WDR20: variants seen among roughly 807,000 people sequenced by gnomAD.
WDR20 encodes WD repeat-containing protein 20.
A neutral mutation model predicts 38.7 loss-of-function variants in WDR20; 3 were observed. The ratio of observed to expected loss-of-function variants is 0.08; its 90% CI spans 0.04 to 0.20. The LOEUF is 0.20. Among genes scored for constraint, WDR20 ranks in the 10% least tolerant of loss-of-function variants. WDR20 has a pLI of 1.00. For synonymous variants in WDR20, 298 were observed against 285.6 expected (o/e 1.04, Z -0.44); for missense variants, 559 against 727.7 (o/e 0.77, Z 2.67).
At position 102,210,255 on chromosome 14, in the gene WDR20, C is replaced by A. The variant is rs751305890; in HGVS notation, c.*375C>A. 9.9e-6 allele frequency: 10 copies of A among 1,012,510 alleles called. No individual in the cohort carries two copies. The highest frequency in any genetic ancestry group is 1.2e-5 in the Non-Finnish European group (10 of 846,330). The allele number at this position is 1,012,510 out of a possible 1,614,324, so 62.7% of individuals were successfully genotyped here. A position where few individuals can be genotyped will look rare whatever the true frequency, so the allele number is the denominator to read the frequency against. Reference sequence around the variant, plus strand: ...TTTAACTGGAATATTTTTTGCTTAACTACTCAATTAGAATATTGTACACCT... The same window carrying A: ...TTTAACTGGAATATTTTTTGCTTAAATACTCAATTAGAATATTGTACACCT... On this transcript the variant is annotated 3_prime_UTR_variant, in exon 3 of 3. Coordinates refer to ENST00000342702, the MANE Select transcript of WDR20 (RefSeq NM_144574.4).
At chr14:102,166,078 G>A (rs1329508442) in intron 1 of WDR20, among the ~76,000 whole-genome samples, 5 of 151,802 alleles carry the variant, frequency 3.3e-5, no homozygotes, top group Non-Finnish European at 7.4e-5. Context: ...TGCAACCTTC[G>A]CCTCTTGGGC....
exon 4 of WDR20, chr14:102,223,001 C>T (rs930849853): frequency 2.4e-5 from 30 of 1,252,348 alleles, no homozygotes; most frequent in Non-Finnish European, 3.1e-5. Flanking sequence ...TGGACGTCGG[C>T]GATAGCCGTG....
Position 102,195,258 on chromosome 14 carries a change from G to A in WDR20, c.432+138G>A. 7 of 896,808 alleles carry A rather than the reference G, an allele frequency of 7.8e-6. No homozygotes were observed. In the South Asian group the frequency reaches 1.1e-4, roughly 14 times the overall value. 55.6% of individuals were successfully genotyped at this position (896,808 alleles called of 1,614,324 possible). On this transcript the variant is annotated intron_variant, in intron 2 of 2. Transcript: ENST00000342702. The stretch of plus-strand genomic sequence containing the variant: ...CAGCCCTCCTACCTAGTATGCCCAA[G>A]TTTAAATGTGGTGGATTAATTTGTT...
At chr14:102,180,152 A>C (rs1322455367) in intron 1 of WDR20, among the ~76,000 whole-genome samples, 9 of 152,182 alleles carry the variant, frequency 5.9e-5, no homozygotes, top group Admixed American at 5.9e-4. Flanking sequence ...CAAAAACAAA[A>C]CAATAATAAT....
intron 2 of WDR20, among the ~76,000 whole-genome samples, chr14:102,200,470 TGTGTGTG>T (rs2060197899): frequency 5.1e-5 from 4 of 78,832 alleles, no homozygotes; most frequent in African/African-American, 1.5e-4. Context: ...TTTTTTTTTG[TGTGTGTG>T]TGTGTGTGTG....
At chr14:102,219,394 G>C (rs902131211), downstream of WDR20, among the ~76,000 whole-genome samples, 1 of 152,198 alleles carries the variant, frequency 6.6e-6, no homozygotes, top group African/African-American at 2.4e-5. Flanking sequence ...CTGCCACCCG[G>C]AGTGCTGTGT....
intron 1 of WDR20, 50 bp downstream of exon 1, chr14:102,140,222 G>A (rs2050371170): frequency 6.3e-7 from 1 of 1,599,580 alleles, no homozygotes; most frequent in African/African-American, 1.3e-5. Flanking sequence ...GGCAGAGGCC[G>A]GGAGCAGGGC....
At chr14:102,153,746 A>G (rs1231989310) in intron 1 of WDR20, among the ~76,000 whole-genome samples, 2 of 152,184 alleles carry the variant, frequency 1.3e-5, no homozygotes, top group Non-Finnish European at 2.9e-5. Context: ...TTCCTCTACT[A>G]GGAATGCTCA....
chr14:102,139,723 A>G (rs1465365678), upstream of WDR20: 10 of 792,358 alleles, frequency 1.3e-5, no homozygotes, highest in Middle Eastern at 3.8e-4. Context: ...CGGGTGGAGC[A>G]CGCCAGGTGA....
At chr14:102,157,360 T>C (rs888085060) in intron 1 of WDR20, 2 of 152,212 alleles carry the variant, frequency 1.3e-5, no homozygotes, top group Admixed American at 6.5e-5. Context: ...TCATGTGTGA[T>C]TGAATATAAG....
chr14:102,209,195 G>C lies in WDR20; in HGVS notation c.1025G>C (p.Arg342Thr). 8 of 1,614,160 alleles carry C rather than the reference G, an allele frequency of 5.0e-6. No homozygotes were observed. Among genetic ancestry groups the C allele is most frequent in the Non-Finnish European group, 6.8e-6 (8 of 1,180,036 alleles). ...TTCCAAGACCTTCTTCATTTTGGCAGAGATCGAGCAAATAGTACACAGTCC... is the reference window on the plus strand; with the variant it reads ...TTCCAAGACCTTCTTCATTTTGGCACAGATCGAGCAAATAGTACACAGTCC... ...EDFQDLLHFGRDRANSTQSRL... is the reference protein window; with the variant it reads ...EDFQDLLHFGTDRANSTQSRL... The change falls in exon 3 of 3, where the codon AGA becomes ACA. Residue 342 changes from arginine to threonine, a missense_variant. Transcript: ENST00000342702. The surrounding 1 kb of genome is among the most constrained non-coding windows in gnomAD (Gnocchi z 6.0).
chr14:102,140,150 A>T lies in WDR20; in HGVS notation c.227A>T (p.Tyr76Phe). The change falls in exon 1 of 3, where the codon TAT (tyrosine) becomes TTT (phenylalanine). Residue 76 changes from tyrosine (Y) to phenylalanine (F), a missense_variant. By Grantham distance (22) the Tyr-to-Phe change is conservative (BLOSUM62 3). Transcript: ENST00000342702. ...CFNVGRELYF[Y>F]IYKGVRKAAD... ...AATGTGGGCCGGGAGCTGTACTTCT[A>T]TATCTACAAGGGGGTCCGCAAGGTA... is the stretch of plus-strand genomic sequence containing the variant. 6 of 1,613,496 alleles carry T rather than the reference A, an allele frequency of 3.7e-6. No individual in the cohort carries two copies. The highest frequency in any genetic ancestry group is 2.2e-5 in the East Asian group (1 of 44,868).
At position 102,221,247 on chromosome 14, in the gene WDR20, A is replaced by C. The variant is rs975476349; in HGVS notation, c.1693-1583A>C. Among the ~76,000 whole-genome samples the C allele has an allele frequency of 1.3e-5, 2 of 152,178 alleles. No individual in the cohort carries two copies. The highest frequency in any genetic ancestry group is 4.8e-5 in the African/African-American group (2 of 41,430). Reference sequence around the variant, plus strand: ...TCTGTCCCCAGGCTGGGTCACCACCACTTTCTCCCTCTGCCAGGAGTAGAT... The same window carrying C: ...TCTGTCCCCAGGCTGGGTCACCACCCCTTTCTCCCTCTGCCAGGAGTAGAT... On this transcript the variant is annotated intron_variant, in intron 3 of 3. Coordinates refer to the WDR20 transcript ENST00000335263. This position sits in a 1 kb window ranked among gnomAD's most constrained non-coding sequence, Gnocchi z 4.8.
At chr14:102,169,843 A>C (rs1016710470) in intron 1 of WDR20, among the ~76,000 whole-genome samples, 8 of 152,118 alleles carry the variant, frequency 5.3e-5, no homozygotes, top group Non-Finnish European at 7.4e-5. Context: ...CAAGTAACTT[A>C]GTGAGAAAGT....
intron 2 of WDR20, among the ~76,000 whole-genome samples, chr14:102,199,145 A>G (rs1029408872): frequency 5.9e-5 from 9 of 152,000 alleles, no homozygotes; most frequent in African/African-American, 2.2e-4. Flanking sequence ...CACGACATTT[A>G]CAACTTCACA....
chr14:102,179,483 A>G (rs759652736), intron 1 of WDR20, among the ~76,000 whole-genome samples: 2 of 148,562 alleles, frequency 1.3e-5, no homozygotes, highest in African/African-American at 5.0e-5. Context: ...GGGTCTCACT[A>G]TGTTGCCCAG....
At chr14:102,192,854 C>T (rs577806757) in intron 1 of WDR20, among the ~76,000 whole-genome samples, 1 of 152,050 alleles carries the variant, frequency 6.6e-6, no homozygotes, top group Non-Finnish European at 1.5e-5. Flanking sequence ...GTCATCTAGC[C>T]TGAAGTGCAG....
At chr14:102,166,734 G>A (rs758965548) in intron 1 of WDR20, among the ~76,000 whole-genome samples, 5 of 152,112 alleles carry the variant, frequency 3.3e-5, no homozygotes, top group Non-Finnish European at 5.9e-5. Flanking sequence ...CTATTTGCAT[G>A]GAATGTCTTT....
chr14:102,172,670 C>T (rs1231150160), intron 1 of WDR20, among the ~76,000 whole-genome samples: 1 of 142,288 alleles, frequency 7.0e-6, no homozygotes, highest in African/African-American at 2.8e-5. Context: ...GGGCTGACCC[C>T]CCCACCTCCC....
Sources: gnomAD v4.1 joint callset for allele counts (sites outside exome capture counted in the v4.1 genomes callset) on GRCh38, gnomAD v4.1.1 for gene constraint, Gnocchi (gnomAD v3.1) non-coding constraint, MANE v1.5 for transcripts, NCBI Gene and HGNC (gene_info 2026-07-23, HGNC 2026-07-21) for gene names.